Variants in CCDC91 observed in about 807,000 individuals in gnomAD.
CCDC91 encodes coiled-coil domain containing 91.
CCDC91 carries 48 observed loss-of-function variants against 63.2 expected under a neutral mutation model. That is an observed-to-expected ratio of 0.76 (90% CI 0.60 to 0.97). CCDC91 has a LOEUF of 0.97. Among genes scored for constraint, CCDC91 ranks in the 50% least tolerant of loss-of-function variants. The pLI is 0.00. For synonymous variants in CCDC91, 167 were observed against 165.8 expected (o/e 1.01, Z -0.06); for missense variants, 500 against 494.6 (o/e 1.01, Z -0.10).
intron 11 of CCDC91, 57 bp downstream of exon 11, chr12:28,452,711 A>AG: frequency 2.2e-6 from 2 of 892,946 alleles, no homozygotes; most frequent in Non-Finnish European, 1.6e-6. Flanking sequence ...TCTCAAAATG[A>AG]AGTACCCTTA....
chr12:28,251,796 T>C (rs1209445704), intron 1 of CCDC91, among the ~76,000 whole-genome samples: 1 of 152,118 alleles, frequency 6.6e-6, no homozygotes, highest in Admixed American at 6.5e-5. Context: ...AGCTTTCTGA[T>C]TTGCTCCAAT....
At chr12:28,200,317 G>A (rs1942125116) in intron 1 of CCDC91, among the ~76,000 whole-genome samples, 1 of 144,706 alleles carries the variant, frequency 6.9e-6, no homozygotes, top group African/African-American at 2.6e-5. Context: ...GATTATTCTT[G>A]GGTGTTTCTC....
At chr12:28,435,818 G>A (rs1443778736) in intron 8 of CCDC91, among the ~76,000 whole-genome samples, 1 of 151,694 alleles carries the variant, frequency 6.6e-6, no homozygotes, top group East Asian at 1.9e-4. Flanking sequence ...AAATTGTTAT[G>A]TCTTTTTGGG....
intron 1 of CCDC91, among the ~76,000 whole-genome samples, chr12:28,227,514 C>T (rs1226264244): frequency 6.6e-6 from 1 of 151,780 alleles, no homozygotes; most frequent in Non-Finnish European, 1.5e-5. Context: ...TTATTGAAAC[C>T]TCGAACTCAA....
chr12:28,464,026 C>T (rs1271770124), intron 11 of CCDC91, among the ~76,000 whole-genome samples: 3 of 152,138 alleles, frequency 2.0e-5, no homozygotes, highest in Non-Finnish European at 4.4e-5. Flanking sequence ...GAGTGTCTCT[C>T]TGCCCTGGGG....
Position 28,318,476 on chromosome 12 carries a change from G to A in CCDC91, c.576+10727G>A, listed in dbSNP as rs950286160. Among the ~76,000 whole-genome samples, 4 of 151,908 alleles carry A rather than the reference G, an allele frequency of 2.6e-5. No homozygotes were observed. In the East Asian group the frequency reaches 5.8e-4, roughly 22 times the overall value. ...GGATTGCTTAAGCCCAGGAGTTTGA[G>A]GTTGCAATGAGCTATGATTGCACCA... On this transcript the variant is annotated intron_variant, in intron 6 of 12. Transcript: ENST00000536442.
chr12:28,376,574 G>A (rs978670086), intron 7 of CCDC91, among the ~76,000 whole-genome samples: 3 of 151,798 alleles, frequency 2.0e-5, no homozygotes, highest in South Asian at 2.1e-4. Flanking sequence ...ATAGCACAGA[G>A]GGACTATCAA....
chr12:28,538,262 C>T (rs1387184944), intron 12 of CCDC91, among the ~76,000 whole-genome samples: 2 of 118,022 alleles, frequency 1.7e-5, no homozygotes, highest in African/African-American at 6.4e-5. Flanking sequence ...CCCCTTCCCC[C>T]CCCCCCACAA....
At chr12:28,269,946 T>A (rs376550645) in intron 3 of CCDC91, among the ~76,000 whole-genome samples, 3 of 152,110 alleles carry the variant, frequency 2.0e-5, no homozygotes, top group Non-Finnish European at 4.4e-5. Context: ...TTAATTTACA[T>A]GATTATATTG....
chr12:28,458,097 T>C (rs988134347), intron 11 of CCDC91, among the ~76,000 whole-genome samples: 1 of 152,070 alleles, frequency 6.6e-6, no homozygotes, highest in Non-Finnish European at 1.5e-5. Flanking sequence ...ACCTGACCCT[T>C]CTTTTAAAAA....
At chr12:28,296,363 G>GGA (rs1171981293) in intron 3 of CCDC91, among the ~76,000 whole-genome samples, 1 of 151,688 alleles carries the variant, frequency 6.6e-6, no homozygotes, top group Non-Finnish European at 1.5e-5. Flanking sequence ...ACAGCCCTCT[G>GGA]GAACACTGTT....
chr12:28,473,504 C>T (rs1049846044), intron 11 of CCDC91, among the ~76,000 whole-genome samples: 10 of 152,148 alleles, frequency 6.6e-5, no homozygotes, highest in African/African-American at 2.2e-4. Flanking sequence ...TCATTCCACA[C>T]ATATTTTTAC....
At chr12:28,545,174 T>A (rs919662531) in intron 12 of CCDC91, among the ~76,000 whole-genome samples, 3 of 152,178 alleles carry the variant, frequency 2.0e-5, no homozygotes, top group African/African-American at 4.8e-5. Context: ...ACTCTGGACA[T>A]AATATTTTTC....
At chr12:28,521,058 C>T (rs1940591318) in intron 12 of CCDC91, among the ~76,000 whole-genome samples, 1 of 152,140 alleles carries the variant, frequency 6.6e-6, no homozygotes, top group Admixed American at 6.6e-5. Flanking sequence ...AATGCGGGCT[C>T]TTTTTGGGTT....
intron 12 of CCDC91, among the ~76,000 whole-genome samples, chr12:28,485,754 C>T (rs1396399139): frequency 6.6e-6 from 1 of 152,106 alleles, no homozygotes; most frequent in Non-Finnish European, 1.5e-5. Context: ...ATTGGCTTTT[C>T]AAAGGAGTAT....
chr12:28,266,436 C>A (rs1197390173), intron 3 of CCDC91, among the ~76,000 whole-genome samples: 1 of 151,992 alleles, frequency 6.6e-6, no homozygotes, highest in Non-Finnish European at 1.5e-5. Context: ...GTCATAGTGT[C>A]TGTAACATGA....
rs1362475112 is a variant in CCDC91 at position 28,317,734 on chromosome 12, G to A, written c.576+9985G>A. Among the ~76,000 whole-genome samples, 5 of 151,968 alleles carry A rather than the reference G, an allele frequency of 3.3e-5. No homozygotes were observed. The East Asian group carries it at 5.8e-4, about 18-fold the overall frequency. On this transcript the variant is annotated intron_variant, in intron 6 of 12. Coordinates refer to ENST00000536442, the MANE Select transcript of CCDC91 (RefSeq NM_018318.5). Reference sequence around the variant, plus strand: ...TTTATGTCCATGTGTAGGGGTGAGTGCAGTGATCACAAGCATATCTGTAGG... The same window carrying A: ...TTTATGTCCATGTGTAGGGGTGAGTACAGTGATCACAAGCATATCTGTAGG...
intron 12 of CCDC91, among the ~76,000 whole-genome samples, chr12:28,530,875 T>G (rs534576672): frequency 6.6e-6 from 1 of 152,128 alleles, no homozygotes; most frequent in Non-Finnish European, 1.5e-5. Flanking sequence ...AAAGCATATG[T>G]TGGGAACTTA....
chr12:28,373,179 A>G (rs571776057), intron 7 of CCDC91, among the ~76,000 whole-genome samples: 4 of 152,322 alleles, frequency 2.6e-5, no homozygotes, highest in South Asian at 2.1e-4. Flanking sequence ...ATTGCCTTCT[A>G]TCCTACATAT....
Sources: allele counts gnomAD v4.1 joint callset (sites outside exome capture counted in the v4.1 genomes callset), GRCh38; gene constraint gnomAD v4.1.1; transcripts MANE v1.5; gene names NCBI Gene and HGNC (gene_info 2026-07-23, HGNC 2026-07-21).